The following CEP83 variants were observed in gnomAD, a reference collection of about 807,000 sequenced individuals.
CEP83 encodes the protein centrosomal protein 83.
CEP83 carries 70 observed loss-of-function variants against 101.9 expected under a neutral mutation model. That is an observed-to-expected ratio of 0.69 (90% CI 0.57 to 0.84). The LOEUF is 0.84. Ranked by LOEUF, CEP83 falls within the 40% of genes least tolerant of loss-of-function variation. The pLI is 0.00. For missense variants in CEP83, 715 were observed against 787.2 expected (o/e 0.91, Z 1.10); for synonymous variants, 264 against 267.9 (o/e 0.99, Z 0.14).
chr12:94,314,942 T>A (rs1444859208), intron 14 of CEP83, among the ~76,000 whole-genome samples: 2 of 152,250 alleles, frequency 1.3e-5, no homozygotes, highest in African/African-American at 4.8e-5. Flanking sequence ...TCACAGTACT[T>A]CTTTTTCATT....
chr12:94,267,452 C>G, the CEP83 span, among the ~76,000 whole-genome samples: 2 of 152,144 alleles, frequency 1.3e-5, no homozygotes, highest in African/African-American at 4.8e-5. Flanking sequence ...GAATTCATGT[C>G]GACTCTTGAA....
intron 2 of CEP83, among the ~76,000 whole-genome samples, chr12:94,416,553 C>T (rs1336231872): frequency 9.7e-6 from 1 of 102,624 alleles, no homozygotes; most frequent in African/African-American, 3.5e-5. Context: ...AAATACCATA[C>T]ACACACACAC....
chr12:94,442,564 T>A (rs1422453989), intron 1 of CEP83, among the ~76,000 whole-genome samples: 1 of 152,216 alleles, frequency 6.6e-6, no homozygotes, highest in Non-Finnish European at 1.5e-5. Flanking sequence ...TTTCCCTGTT[T>A]CTTTCAGTCT....
intron 2 of CEP83, among the ~76,000 whole-genome samples, chr12:94,421,262 T>C (rs1165158286): frequency 1.4e-4 from 21 of 152,156 alleles, no homozygotes; most frequent in Non-Finnish European, 2.9e-5. Context: ...TCCCACTATG[T>C]TGCCCAGGCT....
chr12:94,429,579 C>G (rs928273386), intron 2 of CEP83, among the ~76,000 whole-genome samples: 4 of 152,186 alleles, frequency 2.6e-5, no homozygotes, highest in Non-Finnish European at 5.9e-5. Context: ...ACCACCATGC[C>G]TGGTTCCTGA....
chr12:94,309,840 GTTTTA>G, intron 16 of CEP83, 73 bp downstream of exon 16: 1 of 962,390 alleles, frequency 1.0e-6, no homozygotes, highest in Non-Finnish European at 1.5e-6. Context: ...TATAATTTGA[GTTTTA>G]TCACCATATT....
At chr12:94,304,167 A>C (rs1162348709), downstream of CEP83, 7 of 676,422 alleles carry the variant, frequency 1.0e-5, no homozygotes, top group African/African-American at 3.6e-5. Context: ...AAGGGAAGCC[A>C]GGAAGCCTGT....
At chr12:94,435,678 C>T (rs2065934214) in intron 1 of CEP83, among the ~76,000 whole-genome samples, 1 of 152,170 alleles carries the variant, frequency 6.6e-6, no homozygotes, top group Non-Finnish European at 1.5e-5. Context: ...GACTGGAGGC[C>T]AACCAACTCA....
chr12:94,326,424 G>A (rs1248309450), intron 14 of CEP83, among the ~76,000 whole-genome samples: 3 of 152,146 alleles, frequency 2.0e-5, no homozygotes, highest in Non-Finnish European at 4.4e-5. Flanking sequence ...CTTGCAACTG[G>A]TGTCTGCAGT....
chr12:94,321,227 G>A (rs1057339161), intron 14 of CEP83, among the ~76,000 whole-genome samples: 3 of 152,070 alleles, frequency 2.0e-5, no homozygotes, highest in Non-Finnish European at 4.4e-5. Flanking sequence ...AGATCAGTTA[G>A]GTTCTTTTTT....
chr12:94,422,642 C>G (rs1437717049), intron 2 of CEP83, among the ~76,000 whole-genome samples: 1 of 152,202 alleles, frequency 6.6e-6, no homozygotes, highest in African/African-American at 2.4e-5. Context: ...CAAGAGGCAA[C>G]CACTTTTGTG....
chr12:94,410,928 A>G (rs2063839584), intron 4 of CEP83, among the ~76,000 whole-genome samples: 1 of 152,172 alleles, frequency 6.6e-6, no homozygotes, highest in African/African-American at 2.4e-5. Context: ...GAGTTGGGTG[A>G]TATGCCAGAC....
chr12:94,315,116 G>C (rs560797368), intron 14 of CEP83, among the ~76,000 whole-genome samples: 5 of 152,062 alleles, frequency 3.3e-5, no homozygotes, highest in African/African-American at 4.8e-5. Flanking sequence ...ATATACCTAT[G>C]AATGGGTCAT....
chr12:94,283,873 C>G, the CEP83 span, among the ~76,000 whole-genome samples: 1 of 152,126 alleles, frequency 6.6e-6, no homozygotes, highest in Non-Finnish European at 1.5e-5. Flanking sequence ...CACCTGAGGT[C>G]AGGAGTCCAA....
chr12:94,422,083 G>T lies in CEP83; in HGVS notation c.-101-9492C>A, dbSNP rs376356770. On this transcript the variant is annotated intron_variant, in intron 2 of 16. Transcript: ENST00000397809. ...TATAGCCTGTTTCTCTTCCTTATTTGGAGGTGTTTTGGCCTTTCTCAGCAT... is the reference window on the plus strand; with the variant it reads ...TATAGCCTGTTTCTCTTCCTTATTTTGAGGTGTTTTGGCCTTTCTCAGCAT... Among the ~76,000 whole-genome samples the T allele has an allele frequency of 4.6e-5, 7 of 152,288 alleles. 1 individual carries two copies. Among genetic ancestry groups the T allele is most frequent in the African/African-American group, 1.7e-4 (7 of 41,570 alleles).
At chr12:94,363,797 A>C (rs1021640536) in intron 11 of CEP83, among the ~76,000 whole-genome samples, 8 of 151,876 alleles carry the variant, frequency 5.3e-5, no homozygotes, top group Admixed American at 2.6e-4. Context: ...AAAATACAAA[A>C]ATTAGCCAGG....
chr12:94,344,395 A>T (rs975593268), intron 11 of CEP83, among the ~76,000 whole-genome samples: 1 of 152,212 alleles, frequency 6.6e-6, no homozygotes, highest in East Asian at 1.9e-4. Context: ...TCAACTCAAA[A>T]ACAACCAAAT....
intron 11 of CEP83, among the ~76,000 whole-genome samples, chr12:94,351,002 G>A (rs2060173092): frequency 6.6e-6 from 1 of 151,892 alleles, no homozygotes; most frequent in South Asian, 2.1e-4. Flanking sequence ...CTTCCACAAA[G>A]GCCCAAAATA....
rs151228933 is a variant in CEP83 at position 94,322,215 on chromosome 12, G to C, written c.1708-9198C>G. 1.7e-3 allele frequency among the ~76,000 whole-genome samples: 258 copies of C among 152,246 alleles called. 2 individuals carry two copies. In the East Asian group the frequency reaches 0.027, roughly 16 times the overall value. ...GCTTTGCTAGGGGTCCACTCCAGCC[G>C]CTAATCACCTCAGACTCTCTAAAGC... On this transcript the variant is annotated intron_variant, in intron 14 of 16. Transcript: ENST00000397809.
Sources: gnomAD v4.1 joint callset for allele counts (sites outside exome capture counted in the v4.1 genomes callset) on GRCh38, gnomAD v4.1.1 for gene constraint, MANE v1.5 for transcripts, NCBI Gene and HGNC (gene_info 2026-07-23, HGNC 2026-07-21) for gene names.